The following ZNF521 variants were observed in gnomAD, a reference collection of about 807,000 sequenced individuals.
ZNF521 encodes the protein zinc finger protein 521.
In ZNF521, 14 loss-of-function variants were observed where a neutral mutation model predicts 105.5. That is an observed-to-expected ratio of 0.13 (90% confidence interval 0.09 to 0.21). The LOEUF (loss-of-function observed/expected upper bound fraction) is 0.21, where lower values mean the gene tolerates loss of function less well. Ranked by LOEUF, ZNF521 falls within the 10% of genes least tolerant of loss-of-function variation. The pLI, the probability that ZNF521 is intolerant of heterozygous loss-of-function variation, is 1.00. For missense variants in ZNF521, 1,233 were observed against 1,629.7 expected (o/e 0.76, Z 4.19); for synonymous variants, 635 against 606.0 (o/e 1.05, Z -0.70).
intron 3 of ZNF521, among the ~76,000 whole-genome samples, chr18:25,320,637 T>C (rs915548342): frequency 1.2e-4 from 19 of 152,124 alleles, no homozygotes; most frequent in African/African-American, 4.3e-4. Context: ...AAGAGAATAA[T>C]AAAGTAAATG....
intron 2 of ZNF521, chr18:25,345,180 A>C (rs879896713): frequency 2.6e-5 from 4 of 152,224 alleles, no homozygotes; most frequent in Non-Finnish European, 4.4e-5. Context: ...GGTGAAAAGA[A>C]ATCTCCTACA....
chr18:25,139,619 C>T (rs752154620), intron 5 of ZNF521, among the ~76,000 whole-genome samples: 49 of 151,996 alleles, frequency 3.2e-4, no homozygotes, highest in Non-Finnish European at 6.5e-4. Flanking sequence ...TGTTACCTGA[C>T]CTGCCCATTA....
intron 3 of ZNF521, among the ~76,000 whole-genome samples, chr18:25,246,803 C>T (rs904645958): frequency 6.6e-6 from 1 of 152,154 alleles, no homozygotes; most frequent in Admixed American, 6.5e-5. Flanking sequence ...CCTTTGTCAC[C>T]TCTCTTGCCC....
intron 7 of ZNF521, among the ~76,000 whole-genome samples, chr18:25,080,436 T>G (rs1029898055): frequency 6.6e-6 from 1 of 152,186 alleles, no homozygotes; most frequent in Admixed American, 6.5e-5. Context: ...CCTTCATAGC[T>G]GCAGGGCAGA....
chr18:25,309,955 C>G (rs1912201967), intron 3 of ZNF521, among the ~76,000 whole-genome samples: 1 of 152,032 alleles, frequency 6.6e-6, no homozygotes, highest in African/African-American at 2.4e-5. Context: ...ATTTTTTTAA[C>G]AATGACAATC....
rs528776983 is a variant in ZNF521 at position 25,232,828 on chromosome 18, T to A, written c.221-5131A>T. Reference sequence around the variant, plus strand: ...AAATTTTTTTTTGAGGCTCAAACAATAGGGTAAGACTTGAGACCAACAAAA... The same window carrying A: ...AAATTTTTTTTTGAGGCTCAAACAAAAGGGTAAGACTTGAGACCAACAAAA... On this transcript the variant is annotated intron_variant, in intron 3 of 7. Coordinates refer to ENST00000361524, the MANE Select transcript of ZNF521 (RefSeq NM_015461.3). 3.3e-5 allele frequency among the ~76,000 whole-genome samples: 5 copies of A among 152,316 alleles called. No homozygotes were observed. In the South Asian group the frequency reaches 1.0e-3, roughly 32 times the overall value.
intron 1 of ZNF521, 113 bp downstream of exon 1, chr18:25,351,892 A>AGCGGCGGCGGCAGCG: frequency 3.6e-6 from 1 of 275,780 alleles, no homozygotes. Context: ...CGGCGGCAGC[A>AGCGGCGGCGGCAGCG]GCGGCGGCAG....
chr18:25,096,156 C>T (rs2033846638), intron 5 of ZNF521, among the ~76,000 whole-genome samples: 1 of 152,176 alleles, frequency 6.6e-6, no homozygotes, highest in African/African-American at 2.4e-5. Context: ...ATCAAGTCTA[C>T]ATAAAAGAGA....
intron 3 of ZNF521, among the ~76,000 whole-genome samples, chr18:25,273,220 C>CAAAAAAAAAAAA (rs67381140): frequency 0.011 from 469 of 40,876 alleles, 65 homozygotes; most frequent in Middle Eastern, 0.023. Flanking sequence ...ACCCTGTCTC[C>CAAAAAAAAAAAA]AAAAAAAAAA....
At chr18:25,221,618 T>C (rs897582714) in intron 4 of ZNF521, among the ~76,000 whole-genome samples, 3 of 152,338 alleles carry the variant, frequency 2.0e-5, no homozygotes, top group South Asian at 2.1e-4. Flanking sequence ...AGTCCTTCAA[T>C]TGCTACCTAG....
intron 5 of ZNF521, among the ~76,000 whole-genome samples, chr18:25,151,934 G>A (rs1052319631): frequency 3.9e-5 from 6 of 152,158 alleles, no homozygotes; most frequent in African/African-American, 7.2e-5. Context: ...CTTATGGAAC[G>A]GGGGTTGGCA....
intron 5 of ZNF521, among the ~76,000 whole-genome samples, chr18:25,110,442 C>CAAAAAAGAAAGA (rs1555634923): frequency 6.7e-6 from 1 of 148,886 alleles, no homozygotes; most frequent in Non-Finnish European, 1.5e-5. Context: ...GGCAGGAGAC[C>CAAAAAAGAAAGA]AAAAAAGAAA....
intron 4 of ZNF521, among the ~76,000 whole-genome samples, chr18:25,222,011 C>T (rs190045906): frequency 1.2e-4 from 19 of 152,018 alleles, no homozygotes; most frequent in East Asian, 5.8e-4. Context: ...GCGATAGTAA[C>T]GATGATTAAA....
intron 3 of ZNF521, among the ~76,000 whole-genome samples, chr18:25,251,340 T>C (rs1908102795): frequency 6.6e-6 from 1 of 152,212 alleles, no homozygotes; most frequent in Non-Finnish European, 1.5e-5. Flanking sequence ...TCCAGATGAA[T>C]AAACAACTTC....
chr18:25,239,082 T>C (rs1177038859), intron 3 of ZNF521, among the ~76,000 whole-genome samples: 2 of 152,134 alleles, frequency 1.3e-5, no homozygotes, highest in Non-Finnish European at 2.9e-5. Flanking sequence ...AAAGACCAAA[T>C]TGAATCCCAG....
At chr18:25,138,266 A>T (rs35528725) in intron 5 of ZNF521, among the ~76,000 whole-genome samples, 27,378 of 152,170 alleles carry the variant, frequency 0.18, 2,583 homozygotes, top group Middle Eastern at 0.27. Flanking sequence ...GGTGTCAAAG[A>T]CCTCAACATA....
At chr18:25,083,538 C>G (rs759059797) in intron 7 of ZNF521, among the ~76,000 whole-genome samples, 1 of 152,144 alleles carries the variant, frequency 6.6e-6, no homozygotes, top group South Asian at 2.1e-4. Context: ...AGCAGGGGTG[C>G]CTCCCACCCA....
At chr18:25,130,037 G>A (rs777665442) in intron 5 of ZNF521, among the ~76,000 whole-genome samples, 5 of 152,148 alleles carry the variant, frequency 3.3e-5, no homozygotes, top group Non-Finnish European at 5.9e-5. Context: ...ACCTGCACAC[G>A]AATGTTTACA....
intron 5 of ZNF521, among the ~76,000 whole-genome samples, chr18:25,118,732 C>CA (rs1479501777): frequency 1.4e-4 from 21 of 151,898 alleles, no homozygotes; most frequent in Admixed American, 5.2e-4. Context: ...AGAAATGACT[C>CA]AAAAAAATGA....
Sources: allele counts gnomAD v4.1 joint callset (sites outside exome capture counted in the v4.1 genomes callset), GRCh38; gene constraint gnomAD v4.1.1; transcripts MANE v1.5; gene names NCBI Gene and HGNC (gene_info 2026-07-23, HGNC 2026-07-21).